The following PDE1C variants were observed in gnomAD, a reference collection of about 807,000 sequenced individuals.
PDE1C encodes the protein dual specificity calcium/calmodulin-dependent 3',5'-cyclic nucleotide phosphodiesterase 1C.
Under a neutral mutation model 93.1 loss-of-function variants are expected in PDE1C, and 62 were observed. The observed-to-expected ratio is 0.67, with a 90% confidence interval of 0.54 to 0.82. The LOEUF (loss-of-function observed/expected upper bound fraction) is 0.82. Ranked by LOEUF, PDE1C falls within the 40% of genes least tolerant of loss-of-function variation. PDE1C has a pLI of 0.00. For synonymous variants in PDE1C, 325 were observed against 310.1 expected (o/e 1.05, Z -0.50); for missense variants, 742 against 884.6 (o/e 0.84, Z 2.04).
At chr7:32,040,505 C>G (rs1791676105) in intron 2 of PDE1C, among the ~76,000 whole-genome samples, 1 of 152,118 alleles carries the variant, frequency 6.6e-6, no homozygotes, top group African/African-American at 2.4e-5. Flanking sequence ...GCCAAATCAG[C>G]CAAATCACCC....
chr7:32,130,648 G>A lies in PDE1C; in HGVS notation c.308+39137C>T, dbSNP rs146573262. 5.7e-4 allele frequency among the ~76,000 whole-genome samples: 87 copies of A among 151,928 alleles called. 4 individuals are homozygous for A. In the East Asian group the frequency reaches 5.8e-3, roughly 10 times the overall value. Reference sequence around the variant, plus strand: ...ATGGTCCATCTTACAAACTCTTCTTGTCCCTGTAGTATTCACCAAAAAATC... The same window carrying A: ...ATGGTCCATCTTACAAACTCTTCTTATCCCTGTAGTATTCACCAAAAAATC... On this transcript the variant is annotated intron_variant, in intron 3 of 18. Transcript: ENST00000396193.
At chr7:32,312,880 CA>C (rs1459142213) in intron 1 of PDE1C, among the ~76,000 whole-genome samples, 1 of 152,170 alleles carries the variant, frequency 6.6e-6, no homozygotes, top group African/African-American at 2.4e-5. Context: ...AAAGCAATGG[CA>C]ACAAAAGCCA....
chr7:32,020,964 TACAGAAACAAACAAGACACAGGAGAGAAA>T (rs1788584938), intron 2 of PDE1C, among the ~76,000 whole-genome samples: 1 of 152,150 alleles, frequency 6.6e-6, no homozygotes, highest in Non-Finnish European at 1.5e-5. Flanking sequence ...GATGCTTTGC[TACAGAAACAAACAAGACACAGGAGAGAAA>T]TGCCACAGTG....
intron 2 of PDE1C, among the ~76,000 whole-genome samples, chr7:31,929,086 G>A (rs1306193189): frequency 6.7e-6 from 1 of 148,558 alleles, no homozygotes; most frequent in Non-Finnish European, 1.5e-5. Context: ...AGGGATGGAG[G>A]AATATTTACC....
intron 1 of PDE1C, among the ~76,000 whole-genome samples, chr7:32,054,561 G>A (rs1793811900): frequency 6.6e-6 from 1 of 152,058 alleles, no homozygotes; most frequent in Non-Finnish European, 1.5e-5. Context: ...GCACATGGTT[G>A]GCTAAATAAA....
At chr7:32,146,495 A>G (rs1358669435) in intron 3 of PDE1C, among the ~76,000 whole-genome samples, 1 of 152,034 alleles carries the variant, frequency 6.6e-6, no homozygotes, top group East Asian at 1.9e-4. Context: ...TCAGATCTCT[A>G]TCTGGCTATG....
rs115682094 is a variant in PDE1C at position 32,380,189 on chromosome 7, G to A, written c.310+47633C>T. On this transcript the variant is annotated intron_variant, in intron 1 of 1. Transcript: ENST00000672256. ...TATAGTAAAACTCCTCAAAGTAAAT[G>A]TCTACAATTATTGTCCTCCACTTCC... Among the ~76,000 whole-genome samples, 317 of 151,832 alleles carry A rather than the reference G, an allele frequency of 2.1e-3. 1 individual carries two copies. The highest frequency in any genetic ancestry group is 7.4e-3 in the African/African-American group (305 of 41,422).
chr7:31,786,904 T>C (rs1429187633), intron 16 of PDE1C: 1 of 4,530 alleles, frequency 2.2e-4, no homozygotes, highest in African/African-American at 2.7e-4. Context: ...TATCTATCTA[T>C]CTATCTATCT....
At chr7:32,164,667 T>C (rs565760146) in intron 3 of PDE1C, among the ~76,000 whole-genome samples, 3 of 152,332 alleles carry the variant, frequency 2.0e-5, no homozygotes, top group African/African-American at 7.2e-5. Context: ...AGCAAATGAA[T>C]GCACAGTCCT....
At chr7:32,355,782 G>A (rs1355087076) in intron 1 of PDE1C, among the ~76,000 whole-genome samples, 1 of 152,188 alleles carries the variant, frequency 6.6e-6, no homozygotes, top group Non-Finnish European at 1.5e-5. Context: ...CTGGCGAAAG[G>A]AAGGGACTCA....
intron 3 of PDE1C, among the ~76,000 whole-genome samples, chr7:32,156,815 A>G (rs1441577111): frequency 6.6e-6 from 1 of 152,236 alleles, no homozygotes; most frequent in Non-Finnish European, 1.5e-5. Context: ...GTTTGTTGGG[A>G]AAAAGGTTAT....
chr7:31,823,768 C>T (rs920058846), intron 13 of PDE1C, among the ~76,000 whole-genome samples: 3 of 152,084 alleles, frequency 2.0e-5, no homozygotes, highest in East Asian at 1.9e-4. Flanking sequence ...GATGGAAATG[C>T]GGACAGCATG....
At chr7:31,658,352 CA>C in the PDE1C span, 2 of 1,518,946 alleles carry the variant, frequency 1.3e-6, no homozygotes, top group Non-Finnish European at 1.8e-6. Context: ...AAAATAAAAT[CA>C]AAAGACTTTC....
At chr7:31,836,405 G>A (rs911290799) in intron 11 of PDE1C, among the ~76,000 whole-genome samples, 51 of 152,152 alleles carry the variant, frequency 3.4e-4, no homozygotes, top group African/African-American at 1.0e-3. Flanking sequence ...TGCGATCTCG[G>A]CTAACTGCAA....
intron 2 of PDE1C, among the ~76,000 whole-genome samples, chr7:31,913,083 C>A (rs1801449085): frequency 6.6e-6 from 1 of 152,142 alleles, no homozygotes; most frequent in Non-Finnish European, 1.5e-5. Context: ...TCTGTTGATT[C>A]ACCATATCAG....
chr7:32,376,964 G>A (rs1470316651), intron 1 of PDE1C, among the ~76,000 whole-genome samples: 1 of 152,088 alleles, frequency 6.6e-6, no homozygotes, highest in Non-Finnish European at 1.5e-5. Context: ...TGCGATTACA[G>A]GTGTGAGCCA....
chr7:32,375,273 C>T (rs1360340013), intron 1 of PDE1C, among the ~76,000 whole-genome samples: 1 of 152,166 alleles, frequency 6.6e-6, no homozygotes, highest in African/African-American at 2.4e-5. Context: ...ATACTGAACT[C>T]AGCAGGAAGG....
At chr7:32,006,615 G>A (rs148721718) in intron 2 of PDE1C, among the ~76,000 whole-genome samples, 1 of 152,286 alleles carries the variant, frequency 6.6e-6, no homozygotes, top group Non-Finnish European at 1.5e-5. Context: ...TCCCTTAGAA[G>A]GATAAGAGCT....
the PDE1C span, among the ~76,000 whole-genome samples, chr7:31,679,205 T>C: frequency 6.6e-6 from 1 of 152,130 alleles, no homozygotes; most frequent in Non-Finnish European, 1.5e-5. Context: ...TCTGGACAGA[T>C]GGGAGAAGAA....
Sources: allele counts gnomAD v4.1 joint callset (sites outside exome capture counted in the v4.1 genomes callset), GRCh38; gene constraint gnomAD v4.1.1; transcripts MANE v1.5; gene names NCBI Gene and HGNC (gene_info 2026-07-23, HGNC 2026-07-21).